Variants in CDH13 observed in about 807,000 individuals in gnomAD.
CDH13 encodes cadherin 13.
CDH13 carries 24 observed loss-of-function variants against 63.8 expected under a neutral mutation model. The ratio of observed to expected loss-of-function variants is 0.38; its 90% CI spans 0.27 to 0.53. The LOEUF (loss-of-function observed/expected upper bound fraction) is 0.53. CDH13 is among the 20% of genes least tolerant of loss of function. The pLI is 0.85. For missense variants in CDH13, 1,049 were observed against 903.1 expected (o/e 1.16, Z -2.07); for synonymous variants, 503 against 355.3 (o/e 1.42, Z -4.67).
At chr16:83,121,935 T>C (rs1482148127) in intron 3 of CDH13, among the ~76,000 whole-genome samples, 4 of 151,200 alleles carry the variant, frequency 2.6e-5, no homozygotes, top group Admixed American at 6.6e-5. Context: ...GTTTGAACTT[T>C]ATTACATAAA....
rs147796821 is a variant in CDH13 at position 82,736,618 on chromosome 16, T to C, written c.45+109481T>C. ...GGTTCATTTTGTGATGGTATTTTTT[T>C]CCTCTCTCCGCTAGCTTAAATCTGT... is the stretch of plus-strand genomic sequence containing the variant. On this transcript the variant is annotated intron_variant, in intron 1 of 13. Coordinates refer to ENST00000567109, the MANE Select transcript of CDH13 (RefSeq NM_001257.5). Among the ~76,000 whole-genome samples, 394 of 152,334 alleles carry C rather than the reference T, an allele frequency of 2.6e-3. 2 individuals carry two copies. Among genetic ancestry groups the C allele is most frequent in the African/African-American group, 7.1e-3 (294 of 41,574 alleles).
In CDH13 at chr16:83,730,209, C is replaced by T. The variant is rs147812365; in HGVS notation, c.1539-17899C>T. On this transcript the variant is annotated intron_variant, in intron 10 of 13. Coordinates refer to ENST00000567109, the MANE Select transcript of CDH13 (RefSeq NM_001257.5). ...AAAATATAATTGTCGCTAAATATTT[C>T]AGCCAAATAAGTCTGAGCTATGCAT... Among the ~76,000 whole-genome samples the T allele has an allele frequency of 5.0e-3, 765 of 152,248 alleles. 4 individuals are homozygous for T. Among genetic ancestry groups the T allele is most frequent in the African/African-American group, 0.018 (740 of 41,530 alleles).
chr16:83,119,102 C>T (rs531308697), intron 3 of CDH13, among the ~76,000 whole-genome samples: 1 of 152,350 alleles, frequency 6.6e-6, no homozygotes, highest in East Asian at 1.9e-4. Flanking sequence ...TCAAGCCTAG[C>T]AGCCTCCGTG....
At chr16:82,971,634 G>A (rs1908760653) in intron 2 of CDH13, among the ~76,000 whole-genome samples, 1 of 152,162 alleles carries the variant, frequency 6.6e-6, no homozygotes, top group South Asian at 2.1e-4. Context: ...AGATGGCTGG[G>A]TGTAGTTCTG....
chr16:82,641,729 A>T (rs1393994758), intron 1 of CDH13, among the ~76,000 whole-genome samples: 1 of 152,212 alleles, frequency 6.6e-6, no homozygotes, highest in Admixed American at 6.5e-5. Flanking sequence ...TTTATCAACA[A>T]ATATTACTCA....
chr16:83,189,396 A>G (rs2038625773), intron 4 of CDH13, among the ~76,000 whole-genome samples: 1 of 152,044 alleles, frequency 6.6e-6, no homozygotes, highest in South Asian at 2.1e-4. Flanking sequence ...GCTATTCTCA[A>G]CCTCTGGTTC....
At chr16:83,504,042 A>G (rs548285402) in intron 7 of CDH13, among the ~76,000 whole-genome samples, 2 of 152,322 alleles carry the variant, frequency 1.3e-5, no homozygotes, top group East Asian at 3.9e-4. Context: ...TGATGGGTGC[A>G]GCAAACCACC....
At chr16:82,814,080 G>C (rs1438780626) in intron 1 of CDH13, among the ~76,000 whole-genome samples, 7 of 152,168 alleles carry the variant, frequency 4.6e-5, no homozygotes, top group Admixed American at 1.3e-4. Context: ...TTTGAGAGTG[G>C]ATATACCAAA....
At chr16:82,723,893 T>A (rs1466030623) in intron 1 of CDH13, among the ~76,000 whole-genome samples, 2 of 152,280 alleles carry the variant, frequency 1.3e-5, no homozygotes, top group Non-Finnish European at 2.9e-5. Flanking sequence ...GTCTTACCTG[T>A]TATTTTTTCT....
chr16:83,769,313 T>C (rs1283386829), intron 11 of CDH13, among the ~76,000 whole-genome samples: 1 of 152,186 alleles, frequency 6.6e-6, no homozygotes, highest in Non-Finnish European at 1.5e-5. Context: ...CTGGCCTTAA[T>C]GTCAGAGATC....
At chr16:83,607,170 C>T (rs553346204) in intron 8 of CDH13, among the ~76,000 whole-genome samples, 70 of 152,280 alleles carry the variant, frequency 4.6e-4, no homozygotes, top group Non-Finnish European at 7.8e-4. Flanking sequence ...GTAATCCCAG[C>T]ACTCCGGGAG....
chr16:82,846,228 C>T (rs934709256), intron 1 of CDH13, among the ~76,000 whole-genome samples: 2 of 152,162 alleles, frequency 1.3e-5, no homozygotes, highest in Non-Finnish European at 2.9e-5. Context: ...CTAATATGTC[C>T]TTGTCTGTGA....
At chr16:83,669,612 G>A (rs368014805) in intron 8 of CDH13, among the ~76,000 whole-genome samples, 14 of 152,214 alleles carry the variant, frequency 9.2e-5, no homozygotes, top group East Asian at 1.9e-4. Flanking sequence ...CAGGTTTGCC[G>A]AGGCGCAATA....
intron 2 of CDH13, among the ~76,000 whole-genome samples, chr16:82,928,633 A>G (rs1485029347): frequency 6.6e-6 from 1 of 152,250 alleles, no homozygotes; most frequent in Admixed American, 6.5e-5. Flanking sequence ...AATAAATAAG[A>G]ATTGTCCAAG....
intron 6 of CDH13, among the ~76,000 whole-genome samples, chr16:83,352,417 A>G (rs922322492): frequency 4.6e-5 from 7 of 152,224 alleles, no homozygotes; most frequent in African/African-American, 1.7e-4. Flanking sequence ...ATAGTTCTCA[A>G]AAAACTTAGA....
chr16:83,417,032 C>T (rs79963307), intron 6 of CDH13, among the ~76,000 whole-genome samples: 8,861 of 152,190 alleles, frequency 0.058, 281 homozygotes, highest in Non-Finnish European at 0.06. Flanking sequence ...TGAATATTGT[C>T]CAAGTGCTTT....
intron 6 of CDH13, among the ~76,000 whole-genome samples, chr16:83,434,048 C>G (rs922532556): frequency 2.6e-5 from 4 of 151,938 alleles, no homozygotes; most frequent in African/African-American, 9.7e-5. Flanking sequence ...GAGAGGTTTC[C>G]CAGAAGTGCA....
At chr16:82,711,292 A>AG (rs1157056744) in intron 1 of CDH13, among the ~76,000 whole-genome samples, 18 of 152,250 alleles carry the variant, frequency 1.2e-4, no homozygotes, top group African/African-American at 4.3e-4. Context: ...CATTCTCTTA[A>AG]GGATAGAGTC....
chr16:82,989,041 C>T (rs1436418962), intron 2 of CDH13, among the ~76,000 whole-genome samples: 1 of 152,084 alleles, frequency 6.6e-6, no homozygotes, highest in East Asian at 1.9e-4. Context: ...GAGTGAACTA[C>T]TAAGTTAATT....
Sources: allele counts gnomAD v4.1 joint callset (sites outside exome capture counted in the v4.1 genomes callset), GRCh38; gene constraint gnomAD v4.1.1; transcripts MANE v1.5; gene names NCBI Gene and HGNC (gene_info 2026-07-23, HGNC 2026-07-21).